The following NCKAP5 variants were observed in gnomAD, a reference collection of about 807,000 sequenced individuals.
NCKAP5 encodes NCK associated protein 5, also known as nck-associated protein 5.
Under a neutral mutation model 167.0 loss-of-function variants are expected in NCKAP5, and 92 were observed. That is an observed-to-expected ratio of 0.55 (90% CI 0.47 to 0.66). The LOEUF (loss-of-function observed/expected upper bound fraction) is 0.66. Ranked by LOEUF, NCKAP5 falls within the 30% of genes least tolerant of loss-of-function variation. The pLI is 0.00. For missense variants in NCKAP5, 2,378 were observed against 2,315.0 expected (o/e 1.03, Z -0.56); for synonymous variants, 891 against 877.4 (o/e 1.02, Z -0.27).
the NCKAP5 span, among the ~76,000 whole-genome samples, chr2:133,634,644 C>A: frequency 6.6e-6 from 1 of 152,028 alleles, no homozygotes; most frequent in Non-Finnish European, 1.5e-5. Context: ...ATTTTGTTTG[C>A]TTTGAAGATG....
chr2:132,852,883 A>T (rs560761424), intron 11 of NCKAP5, among the ~76,000 whole-genome samples: 26 of 152,206 alleles, frequency 1.7e-4, no homozygotes, highest in African/African-American at 6.3e-4. Flanking sequence ...TTACTACTCT[A>T]CTGCACAACT....
At chr2:132,706,857 A>C (rs1389805236) in intron 19 of NCKAP5, among the ~76,000 whole-genome samples, 1 of 152,128 alleles carries the variant, frequency 6.6e-6, no homozygotes, top group East Asian at 1.9e-4. Context: ...AAGAAGGAAA[A>C]ACAAAAGGAA....
chr2:133,059,307 A>T (rs561009565), intron 6 of NCKAP5, among the ~76,000 whole-genome samples: 221 of 152,224 alleles, frequency 1.5e-3, no homozygotes, highest in African/African-American at 5.0e-3. Flanking sequence ...CTCAAAAAAA[A>T]TATGTATATA....
At chr2:132,999,622 C>A (rs768521881) in intron 6 of NCKAP5, among the ~76,000 whole-genome samples, 1 of 152,194 alleles carries the variant, frequency 6.6e-6, no homozygotes, top group Non-Finnish European at 1.5e-5. Flanking sequence ...ATGGATTGGA[C>A]TTTGAAGACC....
At chr2:132,802,103 C>T (rs564695682) in intron 11 of NCKAP5, among the ~76,000 whole-genome samples, 6 of 152,246 alleles carry the variant, frequency 3.9e-5, no homozygotes, top group South Asian at 4.1e-4. Context: ...AGCCAAATAT[C>T]GGCACAAAAG....
intron 4 of NCKAP5, among the ~76,000 whole-genome samples, chr2:133,223,183 T>C (rs900160643): frequency 6.6e-6 from 1 of 152,142 alleles, no homozygotes; most frequent in African/African-American, 2.4e-5. Context: ...TCACCAAATG[T>C]CTATATTGAA....
chr2:133,483,046 AC>A (rs1458411314), intron 3 of NCKAP5, among the ~76,000 whole-genome samples: 2 of 152,214 alleles, frequency 1.3e-5, no homozygotes, highest in Non-Finnish European at 2.9e-5. Flanking sequence ...TTAGATTCAT[AC>A]TGAGTTCAAG....
At chr2:133,268,998 G>C (rs2089385275) in intron 4 of NCKAP5, 1 of 152,164 alleles carries the variant, frequency 6.6e-6, no homozygotes, top group African/African-American at 2.4e-5. Context: ...GTTGAGCCGA[G>C]TGTCAACTAC....
intron 19 of NCKAP5, among the ~76,000 whole-genome samples, chr2:132,710,899 C>T (rs928919019): frequency 7.9e-5 from 12 of 152,232 alleles, no homozygotes; most frequent in African/African-American, 2.9e-4. Context: ...AAAGATCCGT[C>T]TTTTTAACAT....
At chr2:132,852,857 T>C (rs1439142377) in intron 11 of NCKAP5, among the ~76,000 whole-genome samples, 1 of 152,156 alleles carries the variant, frequency 6.6e-6, no homozygotes, top group East Asian at 1.9e-4. Flanking sequence ...TTGGATGGTA[T>C]ATGTTTCTGT....
At chr2:133,090,087 G>C (rs114396430) in intron 6 of NCKAP5, among the ~76,000 whole-genome samples, 70 of 151,980 alleles carry the variant, frequency 4.6e-4, no homozygotes, top group African/African-American at 1.6e-3. Context: ...CTAACTCCAG[G>C]CCAGGTATGT....
chr2:132,688,985 C>CAAAAAAA (rs34015551), intron 19 of NCKAP5, among the ~76,000 whole-genome samples: 2 of 66,330 alleles, frequency 3.0e-5, no homozygotes, highest in Admixed American at 1.9e-4. Flanking sequence ...GACACCAACT[C>CAAAAAAA]AAAAAAAAAA....
At chr2:132,921,859 C>A (rs116005120) in intron 8 of NCKAP5, among the ~76,000 whole-genome samples, 1 of 152,156 alleles carries the variant, frequency 6.6e-6, no homozygotes, top group Non-Finnish European at 1.5e-5. Flanking sequence ...TTTGGCCATT[C>A]GGTGCATTCC....
chr2:133,025,534 G>A (rs1410603162), intron 6 of NCKAP5, among the ~76,000 whole-genome samples: 2 of 152,156 alleles, frequency 1.3e-5, no homozygotes, highest in Non-Finnish European at 2.9e-5. Flanking sequence ...AAAAGTTACT[G>A]TTGGGTGCTG....
intron 3 of NCKAP5, among the ~76,000 whole-genome samples, chr2:133,439,062 T>C (rs1025630480): frequency 6.6e-6 from 1 of 152,210 alleles, no homozygotes; most frequent in Non-Finnish European, 1.5e-5. Context: ...CATGCAAGAA[T>C]ATAGAATGCC....
intron 3 of NCKAP5, among the ~76,000 whole-genome samples, chr2:133,464,278 G>A (rs540188986): frequency 2.8e-4 from 42 of 152,252 alleles, no homozygotes; most frequent in African/African-American, 1.0e-3. Context: ...TCACTTAAAG[G>A]AAGTACCTTA....
At chr2:133,082,670 T>A (rs2080850021) in intron 6 of NCKAP5, among the ~76,000 whole-genome samples, 1 of 152,148 alleles carries the variant, frequency 6.6e-6, no homozygotes, top group South Asian at 2.1e-4. Flanking sequence ...TTGAGGCACC[T>A]ACGTAGACAG....
rs61328043 is a variant in NCKAP5, at chr2:133,256,929, C to G, written c.144-43150G>C. Among the ~76,000 whole-genome samples the G allele has an allele frequency of 2.2e-3, 330 of 152,266 alleles. 3 individuals carry two copies. Among genetic ancestry groups the G allele is most frequent in the African/African-American group, 7.7e-3 (318 of 41,546 alleles). ...CAGTGACAATAGTTAGATAATGAGG[C>G]TGGACACATCATAATTTTCCCTACT... On this transcript the variant is annotated intron_variant, in intron 4 of 19. Coordinates refer to ENST00000409261, the MANE Select transcript of NCKAP5 (RefSeq NM_207363.3).
chr2:133,574,603 CT>C, the NCKAP5 span, among the ~76,000 whole-genome samples: 46,813 of 126,662 alleles, frequency 0.37, 7,868 homozygotes, highest in Admixed American at 0.42. Context: ...TTCTTCTTTC[CT>C]TTTTTTTTTT....
Sources: allele counts gnomAD v4.1 joint callset (sites outside exome capture counted in the v4.1 genomes callset), GRCh38; gene constraint gnomAD v4.1.1; transcripts MANE v1.5; gene names NCBI Gene and HGNC (gene_info 2026-07-23, HGNC 2026-07-21).